MTUS2: variants seen among roughly 807,000 people sequenced by gnomAD.
The protein encoded by MTUS2 is microtubule associated scaffold protein 2, also known as microtubule-associated tumor suppressor candidate 2.
Under a neutral mutation model 114.1 loss-of-function variants are expected in MTUS2, and 40 were observed. The ratio of observed to expected loss-of-function variants is 0.35; its 90% CI spans 0.27 to 0.46. The LOEUF (loss-of-function observed/expected upper bound fraction) is 0.46. MTUS2 is among the 20% of genes least tolerant of loss of function. The pLI is 1.00. For synonymous variants in MTUS2, 688 were observed against 672.0 expected, an observed-to-expected ratio of 1.02 and a Z score of -0.37; for missense variants, 1,679 against 1,705.4, an observed-to-expected ratio of 0.98 and a Z score of 0.27.
At chr13:29,330,695 A>G (rs1053231676) in intron 7 of MTUS2, among the ~76,000 whole-genome samples, 1 of 151,998 alleles carries the variant, frequency 6.6e-6, no homozygotes, top group Non-Finnish European at 1.5e-5. Flanking sequence ...ATAGGGAATC[A>G]TTTCCCCATT....
chr13:28,944,911 T>C (rs1174396318), intron 2 of MTUS2, among the ~76,000 whole-genome samples: 1 of 152,214 alleles, frequency 6.6e-6, no homozygotes, highest in Non-Finnish European at 1.5e-5. Context: ...GATCTTTTAG[T>C]GCAACCATCA....
intron 7 of MTUS2, among the ~76,000 whole-genome samples, chr13:29,346,133 C>T (rs572120794): frequency 2.6e-5 from 4 of 152,208 alleles, no homozygotes; most frequent in East Asian, 1.9e-4. Context: ...GTTGGTTGGC[C>T]GCCAGCCAGG....
intron 2 of MTUS2, among the ~76,000 whole-genome samples, chr13:29,019,364 C>T (rs1046034960): frequency 6.6e-6 from 1 of 152,064 alleles, no homozygotes; most frequent in African/African-American, 2.4e-5. Context: ...TGAATGACAC[C>T]AGTGAGTGAT....
At chr13:29,231,113 A>G (rs984838064) in intron 5 of MTUS2, among the ~76,000 whole-genome samples, 4 of 152,148 alleles carry the variant, frequency 2.6e-5, no homozygotes, top group Non-Finnish European at 5.9e-5. Context: ...TCATTTTATT[A>G]TGTGTGTTTT....
At chr13:29,486,208 A>G (rs1379157931) in intron 10 of MTUS2, among the ~76,000 whole-genome samples, 2 of 152,294 alleles carry the variant, frequency 1.3e-5, no homozygotes, top group African/African-American at 4.8e-5. Flanking sequence ...GGAGTGAGCC[A>G]TTGTGCACCA....
At chr13:29,112,827 G>A (rs1890933338) in intron 5 of MTUS2, among the ~76,000 whole-genome samples, 1 of 152,166 alleles carries the variant, frequency 6.6e-6, no homozygotes, top group Non-Finnish European at 1.5e-5. Flanking sequence ...AAGACTTCAA[G>A]GAGGTCATAT....
At chr13:29,265,268 T>G (rs1309560103) in intron 5 of MTUS2, among the ~76,000 whole-genome samples, 1 of 152,054 alleles carries the variant, frequency 6.6e-6, no homozygotes, top group Non-Finnish European at 1.5e-5. Context: ...TGCTCCAGAT[T>G]CCAATACATT....
intron 5 of MTUS2, among the ~76,000 whole-genome samples, chr13:29,210,095 AC>A (rs1280945099): frequency 1.3e-5 from 2 of 151,914 alleles, no homozygotes; most frequent in Non-Finnish European, 2.9e-5. Flanking sequence ...ATAATCCCAA[AC>A]TTCCTGGAGG....
At chr13:29,488,436 T>C (rs1489737004) in intron 11 of MTUS2, among the ~76,000 whole-genome samples, 1 of 131,506 alleles carries the variant, frequency 7.6e-6, no homozygotes, top group Admixed American at 7.9e-5. Flanking sequence ...TTTTTTTTCC[T>C]CTTTTTTTTT....
At chr13:29,231,305 A>C (rs1187095509) in intron 5 of MTUS2, among the ~76,000 whole-genome samples, 1 of 152,226 alleles carries the variant, frequency 6.6e-6, no homozygotes, top group Non-Finnish European at 1.5e-5. Context: ...CCTTTAAAAA[A>C]GTTTTTTAAA....
chr13:29,360,701 C>A (rs113818192), intron 8 of MTUS2, among the ~76,000 whole-genome samples: 3,080 of 91,272 alleles, frequency 0.034, 160 homozygotes, highest in African/African-American at 0.098. Flanking sequence ...CCCCCCCCCC[C>A]GTAAGAATTA....
At chr13:29,323,255 C>CTT (rs60638556) in intron 6 of MTUS2, among the ~76,000 whole-genome samples, 4 of 143,220 alleles carry the variant, frequency 2.8e-5, no homozygotes, top group African/African-American at 5.1e-5. Flanking sequence ...TATGATGTGG[C>CTT]TTTTTTTTTT....
intron 3 of MTUS2, among the ~76,000 whole-genome samples, chr13:29,027,255 G>C (rs1008397814): frequency 3.3e-5 from 5 of 152,200 alleles, no homozygotes; most frequent in African/African-American, 1.2e-4. Flanking sequence ...AAGAAAGAAT[G>C]CAAAATTACT....
At chr13:29,248,638 C>G (rs1014323060) in intron 5 of MTUS2, among the ~76,000 whole-genome samples, 1 of 152,066 alleles carries the variant, frequency 6.6e-6, no homozygotes, top group Non-Finnish European at 1.5e-5. Context: ...TCTCCTCCCC[C>G]AGCAACAGGC....
chr13:29,165,438 C>T (rs1004573539), intron 5 of MTUS2, among the ~76,000 whole-genome samples: 7 of 152,218 alleles, frequency 4.6e-5, no homozygotes, highest in Non-Finnish European at 7.3e-5. Flanking sequence ...TAACTCTTGA[C>T]CTCTATGTAG....
intron 8 of MTUS2, chr13:29,428,807 A>G (rs745436739): frequency 6.2e-7 from 1 of 1,613,508 alleles, no homozygotes; most frequent in African/African-American, 1.3e-5. Context: ...TGACACCTTG[A>G]ATGAAGGAGG....
chr13:28,850,024 A>G (rs1340384446), intron 2 of MTUS2, among the ~76,000 whole-genome samples: 1 of 152,138 alleles, frequency 6.6e-6, no homozygotes, highest in African/African-American at 2.4e-5. Context: ...AATGGGACAA[A>G]TGCAGCTTTT....
At chr13:29,247,238 A>G (rs901064760) in intron 5 of MTUS2, among the ~76,000 whole-genome samples, 36 of 152,232 alleles carry the variant, frequency 2.4e-4, no homozygotes, top group Admixed American at 6.5e-5. Flanking sequence ...CGGGATTCTC[A>G]TCTCTTACCT....
chr13:28,907,197 A>C (rs984605274), intron 2 of MTUS2, among the ~76,000 whole-genome samples: 14 of 151,550 alleles, frequency 9.2e-5, no homozygotes, highest in African/African-American at 3.4e-4. Context: ...CAGACAAGCA[A>C]ATGCTGAGAG....
Sources: gnomAD v4.1 joint callset for allele counts (sites outside exome capture counted in the v4.1 genomes callset) on GRCh38, gnomAD v4.1.1 for gene constraint, MANE v1.5 for transcripts, NCBI Gene and HGNC (gene_info 2026-07-23, HGNC 2026-07-21) for gene names.